The following H6PD variants were observed in gnomAD, a reference collection of about 807,000 sequenced individuals.
H6PD encodes hexose-6-phosphate dehydrogenase/glucose 1-dehydrogenase.
H6PD carries 48 observed loss-of-function variants against 61.2 expected under a neutral mutation model. The observed-to-expected ratio is 0.78, with a 90% confidence interval of 0.62 to 1.00. H6PD has a LOEUF of 1.00. Among genes scored for constraint, H6PD ranks in the 50% least tolerant of loss-of-function variants. The probability of loss-of-function intolerance (pLI) is 0.00; values close to 1 mark genes in which losing one functional copy is unlikely to be tolerated. For synonymous variants in H6PD, 480 were observed against 457.9 expected, an observed-to-expected ratio of 1.05 and a Z score of -0.62; for missense variants, 1,093 against 1,065.0, an observed-to-expected ratio of 1.03 and a Z score of -0.37.
At position 9,268,923 on chromosome 1, in the gene H6PD, A is replaced by G. The variant is rs1322329011; in HGVS notation, c.*4054A>G. ...GCTATTTCCCAGAATTTGGTTTTCA[A>G]GTACAAAACTTTTTGTCCTGTAAGA... On this transcript the variant is annotated 3_prime_UTR_variant, in exon 5 of 5. Transcript: ENST00000377403. The G allele has an allele frequency of 6.6e-6, 1 of 152,202 alleles. No homozygotes were observed. Among genetic ancestry groups the G allele is most frequent in the Non-Finnish European group, 1.5e-5 (1 of 68,048 alleles). The allele number at this position is 152,202 out of a possible 1,614,324, so 9.4% of individuals were successfully genotyped here. A position where few individuals can be genotyped will look rare whatever the true frequency, so the allele number is the denominator to read the frequency against.
At chr1:9,251,622 C>A (rs1570102041) in intron 3 of H6PD, among the ~76,000 whole-genome samples, 1 of 152,132 alleles carries the variant, frequency 6.6e-6, no homozygotes, top group Non-Finnish European at 1.5e-5. Flanking sequence ...ATCCAGGGTC[C>A]TTCCAGGCAC....
chr1:9,263,144 AC>A (rs1384956689), intron 4 of H6PD, among the ~76,000 whole-genome samples: 5 of 151,706 alleles, frequency 3.3e-5, no homozygotes, highest in African/African-American at 9.7e-5. Flanking sequence ...GGACCCCCTG[AC>A]CCCTCAAATA....
rs1638680863 is a variant in H6PD, at chr1:9,269,461, G to A, written c.*4592G>A. The A allele has an allele frequency of 6.6e-6, 1 of 152,264 alleles. No individual in the cohort carries two copies. Among genetic ancestry groups the A allele is most frequent in the Non-Finnish European group, 1.5e-5 (1 of 68,072 alleles). 9.4% of individuals were successfully genotyped at this position (152,264 alleles called of 1,614,324 possible). ...TCCCAGCTGGTGCCACTCTGCCCTC[G>A]GGGGCTCCAAGCATTGTAACTCAGT... On this transcript the variant is annotated 3_prime_UTR_variant, in exon 5 of 5. Transcript: ENST00000377403. This position sits in a 1 kb window ranked among gnomAD's most constrained non-coding sequence, Gnocchi z 4.3.
chr1:9,246,960 C>G lies in H6PD; in HGVS notation c.628-6C>G. On this transcript the variant is annotated splice_region_variant and splice_polypyrimidine_tract_variant and intron_variant, in intron 2 of 4. Transcript: ENST00000377403. ...TGCAGCACGCCCAGTCTTCCCCCCC[C>G]GACAGGCTGTGGCGCAGATCCTGCC... 2 of 1,601,868 alleles carry G rather than the reference C, an allele frequency of 1.2e-6. No individual in the cohort carries two copies. Among genetic ancestry groups the G allele is most frequent in the Non-Finnish European group, 1.7e-6 (2 of 1,168,798 alleles).
At chr1:9,239,536 C>CAACAAA (rs1350096944) in intron 1 of H6PD, among the ~76,000 whole-genome samples, 4 of 152,142 alleles carry the variant, frequency 2.6e-5, no homozygotes, top group African/African-American at 7.2e-5. Context: ...AGACAAAAAA[C>CAACAAA]AACAAAAACA....
chr1:9,240,803 C>T (rs535740532), intron 1 of H6PD, among the ~76,000 whole-genome samples: 2 of 152,258 alleles, frequency 1.3e-5, no homozygotes, highest in Admixed American at 6.5e-5. Flanking sequence ...TCAGAGCAGG[C>T]AAGGAGGCAG....
intron 3 of H6PD, among the ~76,000 whole-genome samples, chr1:9,256,296 G>A (rs1007686920): frequency 6.6e-6 from 1 of 152,176 alleles, no homozygotes; most frequent in African/African-American, 2.4e-5. Context: ...TGGCATTTTG[G>A]TTGGCACAGT....
At chr1:9,261,293 G>A (rs1408736680) in intron 3 of H6PD, among the ~76,000 whole-genome samples, 1 of 152,036 alleles carries the variant, frequency 6.6e-6, no homozygotes, top group African/African-American at 2.4e-5. Context: ...CAGCCTCACC[G>A]CTGTCCCCAC....
rs1432320125 is a variant in H6PD at position 9,271,099 on chromosome 1, A to G, written c.*6230A>G. Reference sequence around the variant, plus strand: ...TGGGATTACACCACCATGCCCAGCAAATTTTTGTGTTTTTAGTAGAGACGG... The same window carrying G: ...TGGGATTACACCACCATGCCCAGCAGATTTTTGTGTTTTTAGTAGAGACGG... On this transcript the variant is annotated 3_prime_UTR_variant, in exon 5 of 5. Coordinates refer to ENST00000377403, the MANE Select transcript of H6PD (RefSeq NM_004285.4). 1 of 151,934 alleles carries G rather than the reference A, an allele frequency of 6.6e-6. No homozygotes were observed. The highest frequency in any genetic ancestry group is 1.5e-5 in the Non-Finnish European group (1 of 68,006). 9.4% of individuals were successfully genotyped at this position (151,934 alleles called of 1,614,324 possible). A position where few individuals can be genotyped will look rare whatever the true frequency, so the allele number is the denominator to read the frequency against.
At chr1:9,242,927 A>T (rs955357177) in intron 1 of H6PD, 1 of 985,402 alleles carries the variant, frequency 1.0e-6, no homozygotes, top group Admixed American at 6.1e-5. Context: ...GGCCAAGGAC[A>T]GGGACTGGAA....
chr1:9,262,294 A>C lies in H6PD; in HGVS notation c.981A>C (p.Pro327=). The change falls in exon 4 of 5, where the codon CCA becomes CCC. Residue 327 remains proline, a synonymous_variant. Coordinates refer to ENST00000377403, the MANE Select transcript of H6PD (RefSeq NM_004285.4). ...SEQVRRELQK[P]DSFHSLTPTF... is the part of the protein sequence containing the mutation. ...AGGTGCGCAGAGAGCTGCAGAAGCCAGACAGCTTCCACAGCCTGACGCCGA... is the reference window on the plus strand; with the variant it reads ...AGGTGCGCAGAGAGCTGCAGAAGCCCGACAGCTTCCACAGCCTGACGCCGA... 1 of 1,608,566 alleles carries C rather than the reference A, an allele frequency of 6.2e-7. No homozygotes were observed. The highest frequency in any genetic ancestry group is 1.7e-5 in the Admixed American group (1 of 59,178).
At position 9,266,044 on chromosome 1, in the gene H6PD, C is replaced by T. The variant is rs1375375974; in HGVS notation, c.*1175C>T. On this transcript the variant is annotated 3_prime_UTR_variant, in exon 5 of 5. Transcript: ENST00000377403. Reference sequence around the variant, plus strand: ...TGGGTGTTTCCGCTCTCAATAGCCCCTCTTGTTTTACCAGGAAAGATCCAG... The same window carrying T: ...TGGGTGTTTCCGCTCTCAATAGCCCTTCTTGTTTTACCAGGAAAGATCCAG... 6.6e-6 allele frequency: 1 copy of T among 152,298 alleles called. No homozygotes were observed. Among genetic ancestry groups the T allele is most frequent in the Non-Finnish European group, 1.5e-5 (1 of 68,072 alleles). 9.4% of individuals were successfully genotyped at this position (152,298 alleles called of 1,614,324 possible).
intron 1 of H6PD, among the ~76,000 whole-genome samples, chr1:9,240,306 A>G (rs1570077430): frequency 6.6e-6 from 1 of 152,194 alleles, no homozygotes; most frequent in African/African-American, 2.4e-5. Flanking sequence ...AATGACGCAC[A>G]GTTCTCAGCT....
chr1:9,242,668 G>A, intron 1 of H6PD: 1 of 985,462 alleles, frequency 1.0e-6, no homozygotes, highest in Non-Finnish European at 1.2e-6. Flanking sequence ...CTGGCCCTTG[G>A]GGCTCCCCCA....
In H6PD at chr1:9,234,932, C is replaced by T. The variant is rs1366678450; in HGVS notation, c.-145C>T. 6.8e-6 allele frequency: 1 copy of T among 147,960 alleles called. No homozygotes were observed. Among genetic ancestry groups the T allele is most frequent in the Non-Finnish European group, 1.5e-5 (1 of 66,342 alleles). 9.2% of individuals were successfully genotyped at this position (147,960 alleles called of 1,614,324 possible). A position where few individuals can be genotyped will look rare whatever the true frequency, so the allele number is the denominator to read the frequency against. On this transcript the variant is annotated 5_prime_UTR_variant, in exon 1 of 5. Coordinates refer to ENST00000377403, the MANE Select transcript of H6PD (RefSeq NM_004285.4). ...GGCGCGTGGCCGCGTGACACGCGCA[C>T]TTGTCGGAGTGACGGGCCCTGCGGA...
At chr1:9,239,969 C>CTTTG (rs547715882) in intron 1 of H6PD, 333 of 1,231,224 alleles carry the variant, frequency 2.7e-4, no homozygotes, top group Non-Finnish European at 3.2e-4. Context: ...GATTCTGATC[C>CTTTG]AAACCCCCTG....
rs190291262 is a variant in H6PD, at chr1:9,258,062, C to T, written c.746-3997C>T. ...CTGGTCACCTGCCTCCTTCCTCACT[C>T]GCGGAGCAGGAGTGATCACGGTGCC... is the stretch of plus-strand genomic sequence containing the variant. On this transcript the variant is annotated intron_variant, in intron 3 of 4. Coordinates refer to ENST00000377403, the MANE Select transcript of H6PD (RefSeq NM_004285.4). 6.5e-3 allele frequency among the ~76,000 whole-genome samples: 985 copies of T among 152,344 alleles called. 16 individuals are homozygous for T. The highest frequency in any genetic ancestry group is 5.3e-3 in the Non-Finnish European group (364 of 68,042).
intron 3 of H6PD, among the ~76,000 whole-genome samples, chr1:9,260,550 C>T (rs549381795): frequency 1.3e-3 from 190 of 151,080 alleles, no homozygotes; most frequent in Non-Finnish European, 1.6e-3. Flanking sequence ...GTTATGTTGC[C>T]GTTGTTACTC....
rs960905470 is a variant in H6PD at position 9,269,239 on chromosome 1, CT to C, written c.*4371del. Reference sequence around the variant, plus strand: ...GTGACCCACTAGGGGCCGCTTACCCCTGGCCGTCCGCTGGCTGAACTGAACG... The same window carrying C: ...GTGACCCACTAGGGGCCGCTTACCCCGGCCGTCCGCTGGCTGAACTGAACG... On this transcript the variant is annotated 3_prime_UTR_variant, in exon 5 of 5. Coordinates refer to ENST00000377403, the MANE Select transcript of H6PD (RefSeq NM_004285.4). This position sits in a 1 kb window ranked among gnomAD's most constrained non-coding sequence, Gnocchi z 4.3. 6.6e-6 allele frequency: 1 copy of C among 152,314 alleles called. No homozygotes were observed. Among genetic ancestry groups the C allele is most frequent in the Non-Finnish European group, 1.5e-5 (1 of 68,116 alleles). 9.4% of individuals were successfully genotyped at this position (152,314 alleles called of 1,614,324 possible).
Sources: allele counts gnomAD v4.1 joint callset (sites outside exome capture counted in the v4.1 genomes callset), GRCh38; gene constraint gnomAD v4.1.1; non-coding constraint Gnocchi (gnomAD v3.1); transcripts MANE v1.5; gene names NCBI Gene and HGNC (gene_info 2026-07-23, HGNC 2026-07-21).